The following WDTC1 variants were observed in gnomAD, a reference collection of about 807,000 sequenced individuals.
The protein encoded by WDTC1 is WD and tetratricopeptide repeats 1.
Under a neutral mutation model 76.0 loss-of-function variants are expected in WDTC1, and 12 were observed. The observed-to-expected ratio is 0.16, with a 90% CI of 0.10 to 0.26. WDTC1 has a LOEUF of 0.26. WDTC1 is among the 10% of genes least tolerant of loss of function. The probability of loss-of-function intolerance (pLI) is 1.00; values close to 1 mark genes in which losing one functional copy is unlikely to be tolerated. For missense variants in WDTC1, 511 were observed against 908.8 expected (o/e 0.56, Z 5.63); for synonymous variants, 326 against 350.8 (o/e 0.93, Z 0.79).
intron 1 of WDTC1, among the ~76,000 whole-genome samples, chr1:27,236,784 A>G (rs1360223821): frequency 6.6e-6 from 1 of 152,164 alleles, no homozygotes; most frequent in Non-Finnish European, 1.5e-5. Flanking sequence ...GAAGATCTAG[A>G]CTATGACTTG....
intron 1 of WDTC1, among the ~76,000 whole-genome samples, chr1:27,246,466 T>A (rs2147908319): frequency 6.6e-6 from 1 of 152,348 alleles, no homozygotes; most frequent in South Asian, 2.1e-4. Context: ...TATTTATTCA[T>A]CAATTGATGG....
chr1:27,251,297 A>T (rs1483529797), intron 1 of WDTC1, among the ~76,000 whole-genome samples: 1 of 152,016 alleles, frequency 6.6e-6, no homozygotes. Context: ...ATGGGGTTAC[A>T]TGGTGATATG....
At chr1:27,250,888 A>G (rs918976507) in intron 1 of WDTC1, among the ~76,000 whole-genome samples, 1 of 147,850 alleles carries the variant, frequency 6.8e-6, no homozygotes, top group African/African-American at 2.5e-5. Context: ...CTTTTTTGAG[A>G]CAGAGTCTCA....
chr1:27,245,040 CAT>C (rs914044666), intron 1 of WDTC1, among the ~76,000 whole-genome samples: 9 of 151,566 alleles, frequency 5.9e-5, no homozygotes, highest in Admixed American at 4.6e-4. Flanking sequence ...CACTCAGGGT[CAT>C]ACAGCCAGTT....
At chr1:27,286,700 G>T (rs1217995661) in intron 5 of WDTC1, among the ~76,000 whole-genome samples, 1 of 151,462 alleles carries the variant, frequency 6.6e-6, no homozygotes, top group Admixed American at 6.6e-5. Flanking sequence ...CTGACCTTGT[G>T]ATCTGCCCGC....
rs867053193 is a variant in WDTC1, at chr1:27,282,175, G to A, written c.133-64G>A. 1.7e-5 allele frequency: 26 copies of A among 1,505,766 alleles called. 1 individual carries two copies. Among genetic ancestry groups the A allele is most frequent in the South Asian group, 5.7e-5 (5 of 88,334 alleles). The allele number at this position is 1,505,766 out of a possible 1,614,324, so 93.3% of individuals were successfully genotyped here. On this transcript the variant is annotated intron_variant, in intron 3 of 15. Transcript: ENST00000319394. The stretch of plus-strand genomic sequence containing the variant: ...TTTACCTGTTCAGTTCCACTTCTTG[G>A]TGTTGAGTTCCCCAGGAGAACCCCT...
intron 3 of WDTC1, among the ~76,000 whole-genome samples, chr1:27,276,069 C>T (rs750678542): frequency 1.3e-5 from 2 of 152,068 alleles, no homozygotes; most frequent in African/African-American, 2.4e-5. Context: ...CTCTTTTTTG[C>T]GGCCAAATAG....
At chr1:27,247,890 A>G (rs2011903276) in intron 1 of WDTC1, among the ~76,000 whole-genome samples, 1 of 151,678 alleles carries the variant, frequency 6.6e-6, no homozygotes, top group Non-Finnish European at 1.5e-5. Flanking sequence ...GCCTAATTTT[A>G]TAGTGTTAGT....
chr1:27,293,849 T>C (rs2147980437), intron 7 of WDTC1, among the ~76,000 whole-genome samples, 173 bp from the exon 8 acceptor site: 1 of 152,262 alleles, frequency 6.6e-6, no homozygotes, highest in South Asian at 2.1e-4. Flanking sequence ...AGCACTGTAA[T>C]GTATATGTCT....
intron 1 of WDTC1, among the ~76,000 whole-genome samples, chr1:27,244,954 A>C (rs946453195): frequency 6.6e-6 from 1 of 151,994 alleles, no homozygotes; most frequent in Admixed American, 6.6e-5. Flanking sequence ...TGTCATCGGA[A>C]GGGGTTTTGT....
At chr1:27,265,642 C>T (rs4970515) in intron 3 of WDTC1, among the ~76,000 whole-genome samples, 24,840 of 151,292 alleles carry the variant, frequency 0.16, 2,613 homozygotes, top group Middle Eastern at 0.27. Flanking sequence ...CAGAGTGAGA[C>T]CCTGTTTAAA....
At position 27,301,102 on chromosome 1, in the gene WDTC1, TC is replaced by T. The variant is rs1188176293; in HGVS notation, c.1233-120del. The T allele has an allele frequency of 1.1e-5, 9 of 785,890 alleles. No homozygotes were observed. The African/African-American group carries it at 1.4e-4, about 12-fold the overall frequency. The allele number at this position is 785,890 out of a possible 1,614,324, so 48.7% of individuals were successfully genotyped here. A position where few individuals can be genotyped will look rare whatever the true frequency, so the allele number is the denominator to read the frequency against. ...AGCCAGGATTCTCTTCGTCCTCAAG[TC>T]CCCTTGCCATGAGATCTGTCAGTGG... On this transcript the variant is annotated intron_variant, in intron 12 of 15. Transcript: ENST00000319394. The surrounding 1 kb of genome is among the most constrained non-coding windows in gnomAD (Gnocchi z 5.8).
chr1:27,282,459 CAGAT>C (rs759865343), intron 4 of WDTC1, among the ~76,000 whole-genome samples, 174 bp downstream of exon 4: 1 of 152,138 alleles, frequency 6.6e-6, no homozygotes, highest in Non-Finnish European at 1.5e-5. Context: ...TAAACAATCT[CAGAT>C]AGATGGAAAG....
chr1:27,306,086 ATAGTT>A lies in WDTC1; in HGVS notation c.1837-95_1837-91del. On this transcript the variant is annotated intron_variant, in intron 15 of 15. Coordinates refer to ENST00000319394, the MANE Select transcript of WDTC1 (RefSeq NM_001276252.2). This position sits in a 1 kb window ranked among gnomAD's most constrained non-coding sequence, Gnocchi z 5.0. ...CATGTATGTGTACCTCCCCCTATAG[ATAGTT>A]TAGTCTGTGTATTTCCCTCCCCCTC... The A allele has an allele frequency of 1.5e-6, 2 of 1,320,704 alleles. No individual in the cohort carries two copies. Among genetic ancestry groups the A allele is most frequent in the Non-Finnish European group, 2.1e-6 (2 of 942,030 alleles). The allele number at this position is 1,320,704 out of a possible 1,614,324, so 81.8% of individuals were successfully genotyped here.
Position 27,274,222 on chromosome 1 carries a change from T to A in WDTC1, c.133-8017T>A, listed in dbSNP as rs2012957369. On this transcript the variant is annotated intron_variant, in intron 3 of 15. Coordinates refer to ENST00000319394, the MANE Select transcript of WDTC1 (RefSeq NM_001276252.2). This position sits in a 1 kb window ranked among gnomAD's most constrained non-coding sequence, Gnocchi z 4.2. ...GGGAGGATTGCTTGAGCCTAGGAGG[T>A]TGAGGCTGCAGTGAGCCATGATCAT... Among the ~76,000 whole-genome samples the A allele has an allele frequency of 6.6e-6, 1 of 151,712 alleles. No individual in the cohort carries two copies. Among genetic ancestry groups the A allele is most frequent in the Admixed American group, 6.6e-5 (1 of 15,202 alleles).
At chr1:27,297,612 C>T (rs148168986) in intron 11 of WDTC1, among the ~76,000 whole-genome samples, 204 of 152,258 alleles carry the variant, frequency 1.3e-3, no homozygotes, top group African/African-American at 4.6e-3. Flanking sequence ...AGGAGGGACT[C>T]GGGTGGTCAT....
Position 27,305,257 on chromosome 1 carries a change from G to T in WDTC1, c.1836+64G>T. On this transcript the variant is annotated intron_variant, in intron 15 of 15. Transcript: ENST00000319394. This position sits in a 1 kb window ranked among gnomAD's most constrained non-coding sequence, Gnocchi z 4.6. ...TCTGTGGAAGGCTCCAGTGGAGCCTGCTAGCGCAGGGAAGAGAAATGAGCC... is the reference window on the plus strand; with the variant it reads ...TCTGTGGAAGGCTCCAGTGGAGCCTTCTAGCGCAGGGAAGAGAAATGAGCC... The T allele has an allele frequency of 6.5e-7, 1 of 1,536,426 alleles. No individual in the cohort carries two copies. The highest frequency in any genetic ancestry group is 8.8e-7 in the Non-Finnish European group (1 of 1,139,910).
chr1:27,285,162 A>C (rs1245957708), intron 5 of WDTC1, among the ~76,000 whole-genome samples: 1 of 150,498 alleles, frequency 6.6e-6, no homozygotes, highest in Non-Finnish European at 1.5e-5. Flanking sequence ...TCAGCCTCCT[A>C]AGTAGCTGGG....
At chr1:27,244,357 G>T in intron 1 of WDTC1, among the ~76,000 whole-genome samples, 1 of 151,888 alleles carries the variant, frequency 6.6e-6, no homozygotes, top group Admixed American at 6.6e-5. Context: ...TTGAGACAGC[G>T]CCTCACTTTG....
Sources: gnomAD v4.1 joint callset for allele counts (sites outside exome capture counted in the v4.1 genomes callset) on GRCh38, gnomAD v4.1.1 for gene constraint, Gnocchi (gnomAD v3.1) non-coding constraint, MANE v1.5 for transcripts, NCBI Gene and HGNC (gene_info 2026-07-23, HGNC 2026-07-21) for gene names.